DNAH14: variants seen among roughly 807,000 people sequenced by gnomAD.
DNAH14 encodes the protein dynein axonemal heavy chain 14.
Under a neutral mutation model 520.9 loss-of-function variants are expected in DNAH14, and 478 were observed. The observed-to-expected ratio is 0.92, with a 90% CI of 0.85 to 0.99. DNAH14 has a LOEUF of 0.99. Among genes scored for constraint, DNAH14 ranks in the 50% least tolerant of loss-of-function variants. DNAH14 has a pLI of 0.00. For synonymous variants in DNAH14, 1,581 were observed against 1,757.2 expected, an observed-to-expected ratio of 0.90 and a Z score of 2.51; for missense variants, 4,831 against 5,234.5, an observed-to-expected ratio of 0.92 and a Z score of 2.38.
chr1:225,213,394 T>G (rs996931924), intron 41 of DNAH14, among the ~76,000 whole-genome samples: 7 of 152,164 alleles, frequency 4.6e-5, no homozygotes, highest in Admixed American at 4.6e-4. Flanking sequence ...ATGGGGGCTC[T>G]TTTTTGGTTC....
intron 41 of DNAH14, among the ~76,000 whole-genome samples, chr1:225,219,356 CA>C (rs1306273908): frequency 2.1e-5 from 3 of 145,794 alleles, no homozygotes; most frequent in Non-Finnish European, 4.5e-5. Flanking sequence ...AGAAACCCTT[CA>C]AAAAAATCAG....
At chr1:225,266,098 A>T (rs954128928) in intron 48 of DNAH14, among the ~76,000 whole-genome samples, 1 of 152,144 alleles carries the variant, frequency 6.6e-6, no homozygotes, top group Non-Finnish European at 1.5e-5. Flanking sequence ...TCAAAGGTGG[A>T]CATTAACACA....
At chr1:225,169,500 C>T (rs957799500) in intron 36 of DNAH14, among the ~76,000 whole-genome samples, 1 of 152,096 alleles carries the variant, frequency 6.6e-6, no homozygotes, top group African/African-American at 2.4e-5. Flanking sequence ...GTGACGCATG[C>T]ACAAGCTTCA....
chr1:225,109,884 C>T (rs970909568), intron 23 of DNAH14, among the ~76,000 whole-genome samples: 6 of 151,606 alleles, frequency 4.0e-5, no homozygotes, highest in African/African-American at 1.5e-4. Flanking sequence ...GGATATGTTT[C>T]TTCTATATTC....
intron 23 of DNAH14, among the ~76,000 whole-genome samples, chr1:225,105,958 G>A (rs1403790609): frequency 2.9e-5 from 4 of 136,296 alleles, no homozygotes; most frequent in Non-Finnish European, 4.5e-5. Context: ...TTGCTCTTTA[G>A]TTGATGCAGT....
At chr1:225,373,276 G>C (rs903047510) in intron 77 of DNAH14, among the ~76,000 whole-genome samples, 2 of 152,028 alleles carry the variant, frequency 1.3e-5, no homozygotes, top group South Asian at 4.1e-4. Flanking sequence ...AGATCACGAG[G>C]TCAGGAGATC....
At position 225,257,976 on chromosome 1, in the gene DNAH14, T is replaced by C. The variant is rs1026657748; in HGVS notation, c.6882T>C (p.Thr2294=). The change falls in exon 45 of 86, where the codon ACT becomes ACC. Residue 2294 remains threonine (T), a synonymous_variant. Transcript: ENST00000682510. ...TLIQRGTSLL[T]NLQRSGGNFL... ...TTAACTTAGGAACTTCATTACTAAC[T>C]AATCTTCAAAGATCTGGCGGAAACT... The C allele has an allele frequency of 2.6e-6, 4 of 1,549,120 alleles. No individual in the cohort carries two copies. In the Admixed American group the frequency reaches 7.9e-5, roughly 31 times the overall value.
chr1:224,964,734 T>C (rs1288424145), intron 5 of DNAH14, 125 bp downstream of exon 5: 1 of 887,396 alleles, frequency 1.1e-6, no homozygotes, highest in Non-Finnish European at 1.6e-6. Flanking sequence ...TTACAATTAT[T>C]TCATGGTAAA....
At chr1:225,014,764 A>G (rs1332559592) in intron 10 of DNAH14, among the ~76,000 whole-genome samples, 1 of 152,194 alleles carries the variant, frequency 6.6e-6, no homozygotes. Context: ...AATAATGTGT[A>G]TTCTGCAGCT....
chr1:225,012,532 T>A (rs747601307), intron 10 of DNAH14, among the ~76,000 whole-genome samples: 2 of 151,946 alleles, frequency 1.3e-5, no homozygotes, highest in African/African-American at 2.4e-5. Context: ...TCTTGCTAGA[T>A]TGGATAATAT....
At position 225,043,113 on chromosome 1, in the gene DNAH14, A is replaced by T; in HGVS notation, c.1767A>T (p.Ser589=). ...EISYNLEDII[S]DTEIETEFEN... Reference sequence around the variant, plus strand: ...GTTACAATCTTGAAGATATTATTTCAGGTAAGACAATTGAGACTATAAAGA... The same window carrying T: ...GTTACAATCTTGAAGATATTATTTCTGGTAAGACAATTGAGACTATAAAGA... Residue 589 remains serine (S), a splice_region_variant and synonymous_variant, in exon 13 of 86, where the codon TCA becomes TCT. Coordinates refer to ENST00000682510, the MANE Select transcript of DNAH14 (RefSeq NM_001367479.1). 6.5e-7 allele frequency: 1 copy of T among 1,548,612 alleles called. No individual in the cohort carries two copies.
Position 225,337,396 on chromosome 1 carries a change from A to G in DNAH14, c.10211A>G (p.Gln3404Arg), listed in dbSNP as rs765316351. The G allele has an allele frequency of 6.4e-7, 1 of 1,551,732 alleles. No individual in the cohort carries two copies. The highest frequency in any genetic ancestry group is 1.2e-5 in the South Asian group (1 of 84,068). The change falls in exon 67 of 86, where the codon CAG (glutamine) becomes CGG (arginine). Residue 3404 changes from glutamine (Q) to arginine (R), a missense_variant. By Grantham distance (43) the Gln-to-Arg change is conservative. Transcript: ENST00000682510. ...PHRQAHKWIRQMEGSRLQKLS... is the reference protein window; with the variant it reads ...PHRQAHKWIRRMEGSRLQKLS... ...AGGCAAGCTCACAAATGGATCCGTC[A>G]GATGGAAGGATCCAGGCTGCAGAAG...
intron 54 of DNAH14, among the ~76,000 whole-genome samples, chr1:225,284,063 C>G (rs1048095255): frequency 6.6e-5 from 10 of 151,974 alleles, no homozygotes; most frequent in African/African-American, 2.4e-4. Flanking sequence ...AGAGCAACCT[C>G]AAATCAATAA....
chr1:225,009,142 G>A (rs993664112), intron 10 of DNAH14, among the ~76,000 whole-genome samples: 18 of 152,260 alleles, frequency 1.2e-4, no homozygotes, highest in African/African-American at 4.1e-4. Context: ...TTTGGCTTTT[G>A]TTGCCATTGC....
chr1:225,357,955 G>T, intron 73 of DNAH14: 1 of 642,980 alleles, frequency 1.6e-6, no homozygotes, highest in East Asian at 2.8e-5. Flanking sequence ...CTGAACCTCT[G>T]TTTACTATGC....
intron 2 of DNAH14, chr1:224,954,674 C>T: frequency 5.1e-6 from 1 of 194,764 alleles, no homozygotes; most frequent in South Asian, 1.5e-4. Flanking sequence ...TTAGTGGTAA[C>T]ACCAGTTAGA....
chr1:225,157,563 C>T (rs1054599291), intron 34 of DNAH14, among the ~76,000 whole-genome samples: 1 of 152,014 alleles, frequency 6.6e-6, no homozygotes, highest in Non-Finnish European at 1.5e-5. Flanking sequence ...AATATTGTAA[C>T]AATATTATAA....
chr1:225,377,426 C>G lies in DNAH14; in HGVS notation c.12706C>G (p.Leu4236Val). Residue 4236 changes from leucine to valine, a missense_variant, in exon 79 of 86, where the codon CTC becomes GTC. Physicochemically the swap from Leu to Val is conservative, Grantham distance 32 (BLOSUM62 1). Coordinates refer to ENST00000682510, the MANE Select transcript of DNAH14 (RefSeq NM_001367479.1). ...GCAACCAAAAACTACCACTGCCAACCTCATGATCAGGTAAGAACTCGCTAG... is the reference window on the plus strand; with the variant it reads ...GCAACCAAAAACTACCACTGCCAACGTCATGATCAGGTAAGAACTCGCTAG... ...AMQPKTTTAN[L>V]MIRPEQSKDE... 6.5e-7 allele frequency: 1 copy of G among 1,549,148 alleles called. No individual in the cohort carries two copies. The highest frequency in any genetic ancestry group is 8.7e-7 in the Non-Finnish European group (1 of 1,145,968).
intron 60 of DNAH14, among the ~76,000 whole-genome samples, chr1:225,317,624 AG>A (rs1360717302): frequency 5.3e-5 from 8 of 151,852 alleles, no homozygotes; most frequent in Non-Finnish European, 1.2e-4. Context: ...CCAGTAAAAA[AG>A]AAAAAAAAAG....
Sources: gnomAD v4.1 joint callset for allele counts (sites outside exome capture counted in the v4.1 genomes callset) on GRCh38, gnomAD v4.1.1 for gene constraint, MANE v1.5 for transcripts, NCBI Gene and HGNC (gene_info 2026-07-23, HGNC 2026-07-21) for gene names.